The following CACNA1E variants were observed in gnomAD, a reference collection of about 807,000 sequenced individuals.
CACNA1E encodes the protein voltage-dependent R-type calcium channel subunit alpha-1E.
Under a neutral mutation model 259.2 loss-of-function variants are expected in CACNA1E, and 40 were observed. That is an observed-to-expected ratio of 0.15 (90% CI 0.12 to 0.20). The LOEUF (loss-of-function observed/expected upper bound fraction) is 0.20. Among genes scored for constraint, CACNA1E ranks in the 10% least tolerant of loss-of-function variants. The probability of loss-of-function intolerance (pLI) is 1.00; values close to 1 mark genes in which losing one functional copy is unlikely to be tolerated. For synonymous variants in CACNA1E, 1,104 were observed against 1,138.5 expected, an observed-to-expected ratio of 0.97 and a Z score of 0.61; for missense variants, 1,874 against 3,040.1, an observed-to-expected ratio of 0.62 and a Z score of 9.02.
chr1:181,382,262 G>C (rs1257467331), intron 1 of CACNA1E, among the ~76,000 whole-genome samples: 1 of 152,186 alleles, frequency 6.6e-6, no homozygotes, highest in Non-Finnish European at 1.5e-5. Flanking sequence ...AGGGCAGTGT[G>C]GCTAGAGTTG....
At chr1:181,365,039 G>C (rs1210687682) in intron 1 of CACNA1E, among the ~76,000 whole-genome samples, 1 of 152,226 alleles carries the variant, frequency 6.6e-6, no homozygotes, top group Non-Finnish European at 1.5e-5. Context: ...ATTCACCCTG[G>C]ACATGTCTGG....
chr1:181,787,331 C>T (rs151132474), intron 43 of CACNA1E, among the ~76,000 whole-genome samples: 219 of 152,204 alleles, frequency 1.4e-3, no homozygotes, highest in African/African-American at 4.6e-3. Flanking sequence ...AGGATGGTCT[C>T]GATCTCCTGC....
rs1662735742 is a variant in CACNA1E at position 181,807,854 on chromosome 1, T to C, written c.*9020T>C. On this transcript the variant is annotated 3_prime_UTR_variant, in exon 48 of 48. Transcript: ENST00000367573. ...TTTTAAATTTTATGTTATTTTTCAA[T>C]CATAATTTCTTTCCTGTGGCTTCTA... is the stretch of plus-strand genomic sequence containing the variant. 1.3e-5 allele frequency: 2 copies of C among 152,286 alleles called. No homozygotes were observed. The highest frequency in any genetic ancestry group is 4.1e-4 in the South Asian group (2 of 4,824). 9.4% of individuals were successfully genotyped at this position (152,286 alleles called of 1,614,324 possible). A position where few individuals can be genotyped will look rare whatever the true frequency, so the allele number is the denominator to read the frequency against.
chr1:181,422,475 T>C (rs771121313), intron 2 of CACNA1E, among the ~76,000 whole-genome samples: 2 of 152,188 alleles, frequency 1.3e-5, no homozygotes, highest in Middle Eastern at 3.2e-3. Context: ...TAGACCAGGG[T>C]CAGCCCCTGG....
intron 3 of CACNA1E, among the ~76,000 whole-genome samples, chr1:181,561,545 C>G (rs1422931783): frequency 6.6e-6 from 1 of 152,174 alleles, no homozygotes; most frequent in African/African-American, 2.4e-5. Context: ...GAAGAGGAGT[C>G]TACAGCCTTT....
rs113890024 is a variant in CACNA1E, at chr1:181,388,679, G to A, written c.-14-24454G>A. 9.1e-3 allele frequency among the ~76,000 whole-genome samples: 1,392 copies of A among 152,138 alleles called. 15 individuals are homozygous for A. Among genetic ancestry groups the A allele is most frequent in the African/African-American group, 0.023 (952 of 41,492 alleles). ...TGAGGCGGGTGGATCACCTGAGGTC[G>A]GGAGTTTGAGACCAGCCTGACCAAC... On this transcript the variant is annotated intron_variant, in intron 1 of 11. Coordinates refer to the CACNA1E transcript ENST00000524607.
intron 37 of CACNA1E, among the ~76,000 whole-genome samples, chr1:181,774,309 T>TGTAA (rs1659778510): frequency 6.6e-6 from 1 of 152,218 alleles, no homozygotes; most frequent in Non-Finnish European, 1.5e-5. Flanking sequence ...TTCTGTCTCT[T>TGTAA]GTAAGTGAAA....
chr1:181,413,477 A>C (rs1658024672), exon 2 of CACNA1E: 1 of 152,428 alleles, frequency 6.6e-6, no homozygotes. Context: ...CCCCGAGGTC[A>C]TGAAGCGGCG....
intron 6 of CACNA1E, among the ~76,000 whole-genome samples, chr1:181,631,548 C>T (rs199911): frequency 0.78 from 118,133 of 152,052 alleles, 46,703 homozygotes; most frequent in East Asian, 0.94. Context: ...GGAGTGTGTT[C>T]AGGATTCCAG....
intron 2 of CACNA1E, among the ~76,000 whole-genome samples, chr1:181,437,055 A>G (rs747767510): frequency 3.3e-5 from 5 of 152,222 alleles, no homozygotes; most frequent in Non-Finnish European, 7.3e-5. Flanking sequence ...TTAAAACACG[A>G]AAAACCAAGA....
intron 7 of CACNA1E, chr1:181,668,765 C>T (rs1648504103): frequency 2.0e-5 from 3 of 152,116 alleles, no homozygotes; most frequent in African/African-American, 4.8e-5. Context: ...CATGGTGACT[C>T]ATGCCTGTAA....
intron 1 of CACNA1E, among the ~76,000 whole-genome samples, chr1:181,336,127 T>G (rs778496582): frequency 3.9e-5 from 6 of 152,234 alleles, no homozygotes; most frequent in Non-Finnish European, 5.9e-5. Flanking sequence ...TTTCAACATT[T>G]GCTCGTACAG....
intron 2 of CACNA1E, among the ~76,000 whole-genome samples, chr1:181,416,618 C>G (rs557469570): frequency 5.9e-5 from 9 of 152,198 alleles, no homozygotes; most frequent in Non-Finnish European, 1.2e-4. Context: ...AGCCTCCCCC[C>G]AGGAATGCGG....
At chr1:181,659,922 C>A (rs1647458809) in intron 7 of CACNA1E, among the ~76,000 whole-genome samples, 1 of 152,146 alleles carries the variant, frequency 6.6e-6, no homozygotes, top group Non-Finnish European at 1.5e-5. Context: ...GATACTGACA[C>A]CTGAGGTGGC....
At chr1:181,603,006 T>G (rs1653885377) in intron 6 of CACNA1E, among the ~76,000 whole-genome samples, 1 of 152,138 alleles carries the variant, frequency 6.6e-6, no homozygotes, top group Admixed American at 6.5e-5. Flanking sequence ...CAACAAGCCT[T>G]AAACACCTCA....
intron 43 of CACNA1E, among the ~76,000 whole-genome samples, chr1:181,789,427 C>T (rs1423261372): frequency 2.6e-5 from 4 of 152,096 alleles, no homozygotes; most frequent in Admixed American, 1.3e-4. Flanking sequence ...CTTGCTCATG[C>T]CTTGAGTTTT....
intron 3 of CACNA1E, among the ~76,000 whole-genome samples, chr1:181,524,051 C>G (rs1224793313): frequency 6.6e-6 from 1 of 152,212 alleles, no homozygotes; most frequent in East Asian, 1.9e-4. Flanking sequence ...GGTGACACCC[C>G]AAGTCTCTTT....
chr1:181,454,985 T>A (rs1372631071), intron 2 of CACNA1E, among the ~76,000 whole-genome samples: 1 of 152,246 alleles, frequency 6.6e-6, no homozygotes, highest in Non-Finnish European at 1.5e-5. Flanking sequence ...TTTGTACTTG[T>A]TGATGATAAC....
chr1:181,609,096 A>G (rs16857789), intron 6 of CACNA1E, among the ~76,000 whole-genome samples: 1,774 of 152,316 alleles, frequency 0.012, 27 homozygotes, highest in Admixed American at 0.039. Flanking sequence ...TTAGCACCTG[A>G]ATGAATGCTT....
Sources: allele counts gnomAD v4.1 joint callset (sites outside exome capture counted in the v4.1 genomes callset), GRCh38; gene constraint gnomAD v4.1.1; transcripts MANE v1.5; gene names NCBI Gene and HGNC (gene_info 2026-07-23, HGNC 2026-07-21).